Variants in TRIM17 observed in about 807,000 individuals in gnomAD.
TRIM17 encodes the protein tripartite motif containing 17.
TRIM17 carries 27 observed loss-of-function variants against 35.8 expected under a neutral mutation model. The ratio of observed to expected loss-of-function variants is 0.75; its 90% confidence interval spans 0.56 to 1.04. The LOEUF (loss-of-function observed/expected upper bound fraction) is 1.04. Ranked by LOEUF, TRIM17 falls within the 50% of genes least tolerant of loss-of-function variation. The pLI is 0.00. For missense variants in TRIM17, 582 were observed against 612.8 expected (o/e 0.95, Z 0.53); for synonymous variants, 246 against 252.6 (o/e 0.97, Z 0.25).
intron 4 of TRIM17, among the ~76,000 whole-genome samples, chr1:228,409,855 C>G (rs1001974677): frequency 6.6e-6 from 1 of 152,084 alleles, no homozygotes; most frequent in African/African-American, 2.4e-5. Context: ...TTTAGGGATT[C>G]AGAGTTCCCT....
At position 228,408,256 on chromosome 1, in the gene TRIM17, GC is replaced by G; in HGVS notation, c.1378del (p.Ala460LeufsTer12). On this transcript the variant is annotated frameshift_variant, in exon 7 of 7. Transcript: ENST00000366698. LOFTEE classifies it high-confidence loss of function. The surrounding 1 kb of genome is among the most constrained non-coding windows in gnomAD (Gnocchi z 6.3). ...GPLQPFFCLG[A>X]PKSGQMVIST... Reference sequence around the variant, plus strand: ...GATGACCATCTGACCAGACTTCGGAGCCCCCAGGCAGAAGAAAGGCTGCAGG... The same window carrying G: ...GATGACCATCTGACCAGACTTCGGAGCCCCAGGCAGAAGAAAGGCTGCAGG... The G allele has an allele frequency of 6.4e-7, 1 of 1,573,498 alleles. No homozygotes were observed. Among genetic ancestry groups the G allele is most frequent in the Non-Finnish European group, 8.6e-7 (1 of 1,159,590 alleles).
chr1:228,414,015 CAA>C, intron 2 of TRIM17, 123 bp from the exon 3 acceptor site: 1 of 731,218 alleles, frequency 1.4e-6, no homozygotes. Context: ...GGCAGGGGAT[CAA>C]AATACGTCAC....
Position 228,410,015 on chromosome 1 carries a change from C to A in TRIM17, c.757-604G>T, listed in dbSNP as rs1656690549. ...TTGGCCCTCTGCTCATAGGAGCACC[C>A]TTCTACCAGCTGCAGGGGCTTTTCC... is the stretch of plus-strand genomic sequence containing the variant. On this transcript the variant is annotated intron_variant, in intron 4 of 6. Coordinates refer to ENST00000366698, the MANE Select transcript of TRIM17 (RefSeq NM_016102.4). This position sits in a 1 kb window ranked among gnomAD's most constrained non-coding sequence, Gnocchi z 4.6. 6.6e-6 allele frequency among the ~76,000 whole-genome samples: 1 copy of A among 152,182 alleles called. No homozygotes were observed. The highest frequency in any genetic ancestry group is 1.5e-5 in the Non-Finnish European group (1 of 68,022).
chr1:228,408,815 G>A lies in TRIM17; in HGVS notation c.884-64C>T, dbSNP rs530748302. 124 of 1,551,094 alleles carry A rather than the reference G, an allele frequency of 8.0e-5. No individual in the cohort carries two copies. The highest frequency in any genetic ancestry group is 5.9e-4 in the African/African-American group (44 of 74,104). On this transcript the variant is annotated intron_variant, in intron 6 of 6. Coordinates refer to ENST00000366698, the MANE Select transcript of TRIM17 (RefSeq NM_016102.4). This position sits in a 1 kb window ranked among gnomAD's most constrained non-coding sequence, Gnocchi z 6.3. ...GTGGGGCATTCAGGGTCAAAGGTGGGAGTCCCCGGGCCCTAGTGGTGGATG... is the reference window on the plus strand; with the variant it reads ...GTGGGGCATTCAGGGTCAAAGGTGGAAGTCCCCGGGCCCTAGTGGTGGATG...
At chr1:228,413,128 T>C (rs1265145522) in intron 3 of TRIM17, among the ~76,000 whole-genome samples, 1 of 150,976 alleles carries the variant, frequency 6.6e-6, no homozygotes, top group Non-Finnish European at 1.5e-5. Context: ...GAAGAATTGC[T>C]TGAACCCGGG....
At chr1:228,412,094 G>C (rs1014333098) in intron 3 of TRIM17, among the ~76,000 whole-genome samples, 1 of 152,034 alleles carries the variant, frequency 6.6e-6, no homozygotes, top group Admixed American at 6.6e-5. Flanking sequence ...GAATGCTGAC[G>C]CCCACCCTTC....
Position 228,409,263 on chromosome 1 carries a change from C to G in TRIM17, c.792G>C (p.Val264=), listed in dbSNP as rs6692247. The G allele has an allele frequency of 7.1e-4, 1,138 of 1,613,690 alleles. 8 individuals carry two copies. The African/African-American group carries it at 0.013, about 19-fold the overall frequency. Residue 264 remains valine, a synonymous_variant, in exon 6 of 7, where the codon GTG becomes GTC. Coordinates refer to ENST00000366698, the MANE Select transcript of TRIM17 (RefSeq NM_016102.4). ...MKEPLSRKNN[V]SVQCPEVAPP... Reference sequence around the variant, plus strand: ...GGGCAACCTCTGGGCACTGCACACTCACGTTGTTCTTCCTCCGGTGGGCAC... The same window carrying G: ...GGGCAACCTCTGGGCACTGCACACTGACGTTGTTCTTCCTCCGGTGGGCAC...
chr1:228,415,253 A>G, intron 1 of TRIM17, 140 bp from the exon 2 acceptor site: 4 of 663,362 alleles, frequency 6.0e-6, no homozygotes, highest in Non-Finnish European at 1.0e-5. Context: ...AGCCTTGTCA[A>G]CAACAGACAC....
Position 228,414,772 on chromosome 1 carries a change from C to G in TRIM17, c.301G>C (p.Glu101Gln). Residue 101 changes from glutamate (E) to glutamine (Q), a missense_variant, in exon 2 of 7, where the codon GAG (glutamate) becomes CAG (glutamine). By Grantham distance (29) the Glu-to-Gln change is conservative (BLOSUM62 2). Coordinates refer to ENST00000366698, the MANE Select transcript of TRIM17 (RefSeq NM_016102.4). Reference protein sequence around the residue: ...PGLQKQDLCQEHHEPLKLFCQ... With the variant: ...PGLQKQDLCQQHHEPLKLFCQ... ...AAAAGCTTGAGGGGCTCGTGGTGCT[C>G]CTGGCACAGGTCTTGCTTCTGCAGA... 6.2e-7 allele frequency: 1 copy of G among 1,613,094 alleles called. No individual in the cohort carries two copies. The highest frequency in any genetic ancestry group is 8.5e-7 in the Non-Finnish European group (1 of 1,180,040).
At chr1:228,413,938 A>C in intron 2 of TRIM17, 46 bp from the exon 3 acceptor site, 2 of 1,491,970 alleles carry the variant, frequency 1.3e-6, no homozygotes, top group Non-Finnish European at 1.9e-6. Context: ...CGATCCCCCT[A>C]CCTCCTGCCT....
At chr1:228,413,989 G>C in intron 2 of TRIM17, 97 bp from the exon 3 acceptor site, 1 of 983,194 alleles carries the variant, frequency 1.0e-6, no homozygotes, top group African/African-American at 1.6e-5. Context: ...CCACCCCAGA[G>C]ACCCTCCTCA....
At position 228,409,309 on chromosome 1, in the gene TRIM17, C is replaced by G. The variant is rs777299782; in HGVS notation, c.780-34G>C. On this transcript the variant is annotated intron_variant, in intron 5 of 6. Transcript: ENST00000366698. ...GGCACACACAGGGGAGTCTTATTGA[C>G]TCCCCTGGCCCGACAGTCTTATTGT... is the stretch of plus-strand genomic sequence containing the variant. The G allele has an allele frequency of 6.2e-6, 10 of 1,610,306 alleles. No individual in the cohort carries two copies. The East Asian group carries it at 2.2e-4, about 36-fold the overall frequency.
chr1:228,414,261 T>C (rs557524125), intron 2 of TRIM17, among the ~76,000 whole-genome samples: 58 of 152,290 alleles, frequency 3.8e-4, no homozygotes, highest in Admixed American at 3.5e-3. Context: ...CTCAGGTACA[T>C]GTTTGGCTCT....
At chr1:228,415,587 C>T (rs1394083429) in intron 1 of TRIM17, 1 of 153,932 alleles carries the variant, frequency 6.5e-6, no homozygotes. Context: ...TTTGCTGGCG[C>T]AACTCTCCCA....
At chr1:228,416,200 G>C (rs913964241) in intron 1 of TRIM17, among the ~76,000 whole-genome samples, 3 of 152,188 alleles carry the variant, frequency 2.0e-5, no homozygotes, top group Admixed American at 2.0e-4. Flanking sequence ...CCAGTTTCTC[G>C]GAGCTTTCTG....
Position 228,416,815 on chromosome 1 carries a change from G to A in TRIM17, c.-318C>T. The A allele has an allele frequency of 5.1e-6, 5 of 984,674 alleles. No individual in the cohort carries two copies. In the South Asian group the frequency reaches 2.3e-4, roughly 46 times the overall value. 61.0% of individuals were successfully genotyped at this position (984,674 alleles called of 1,614,324 possible). ...GCTTGGGGAAGGAAGGCGGCAGGGG[G>A]TGGAAGGCTCTGGACGAGCCGGGGA... On this transcript the variant is annotated 5_prime_UTR_variant, in exon 1 of 7. Coordinates refer to ENST00000366698, the MANE Select transcript of TRIM17 (RefSeq NM_016102.4).
intron 3 of TRIM17, 114 bp downstream of exon 3, chr1:228,413,683 C>T: frequency 1.2e-6 from 1 of 829,402 alleles, no homozygotes; most frequent in Non-Finnish European, 2.0e-6. Context: ...GTAGAGGCAA[C>T]TTTCTTCTTT....
In TRIM17 at chr1:228,416,781, T is replaced by C; in HGVS notation, c.-284A>G. On this transcript the variant is annotated 5_prime_UTR_variant, in exon 1 of 7. Transcript: ENST00000366698. ...CTGGGGCGGCGCCTCTTAGGAGAGG[T>C]TGGGGGTGGCTTGGGGAAGGAAGGC... 1 of 975,220 alleles carries C rather than the reference T, an allele frequency of 1.0e-6. No homozygotes were observed. The highest frequency in any genetic ancestry group is 1.9e-5 in the African/African-American group (1 of 53,812). 60.4% of individuals were successfully genotyped at this position (975,220 alleles called of 1,614,324 possible). A position where few individuals can be genotyped will look rare whatever the true frequency, so the allele number is the denominator to read the frequency against.
intron 2 of TRIM17, 141 bp from the exon 3 acceptor site, chr1:228,414,033 A>G (rs1656943508): frequency 1.5e-6 from 1 of 674,868 alleles, no homozygotes; most frequent in Non-Finnish European, 2.6e-6. Flanking sequence ...GTCACCCAGA[A>G]TGTGCCACCT....
Sources: allele counts gnomAD v4.1 joint callset (sites outside exome capture counted in the v4.1 genomes callset), GRCh38; gene constraint gnomAD v4.1.1; non-coding constraint Gnocchi (gnomAD v3.1); transcripts MANE v1.5; gene names NCBI Gene and HGNC (gene_info 2026-07-23, HGNC 2026-07-21).